Variants in PDE4D observed in about 807,000 individuals in gnomAD.
PDE4D encodes phosphodiesterase 4D.
A neutral mutation model predicts 87.4 loss-of-function variants in PDE4D; 24 were observed. That is an observed-to-expected ratio of 0.27 (90% CI 0.20 to 0.39). The LOEUF is 0.39. PDE4D is among the 10% of genes least tolerant of loss of function. The pLI, the probability that PDE4D is intolerant of heterozygous loss-of-function variation, is 1.00. For synonymous variants in PDE4D, 384 were observed against 383.2 expected, an observed-to-expected ratio of 1.00 and a Z score of -0.02; for missense variants, 714 against 1,041.0, an observed-to-expected ratio of 0.69 and a Z score of 4.32.
chr5:59,312,200 G>T (rs1287579011), intron 1 of PDE4D, among the ~76,000 whole-genome samples: 1 of 152,170 alleles, frequency 6.6e-6, no homozygotes, highest in Non-Finnish European at 1.5e-5. Context: ...ACCTAAAAAA[G>T]TTCTCAGATG....
At chr5:59,320,018 G>A (rs191605568) in intron 1 of PDE4D, among the ~76,000 whole-genome samples, 176 of 151,954 alleles carry the variant, frequency 1.2e-3, no homozygotes, top group East Asian at 7.8e-4. Flanking sequence ...GGTCAGTGGA[G>A]AAGACACCCA....
At position 59,957,655 on chromosome 5, in the gene PDE4D, A is replaced by G. The variant is rs553173304; in HGVS notation, c.272+30833T>C. On this transcript the variant is annotated intron_variant, in intron 3 of 16. Coordinates refer to the PDE4D transcript ENST00000502484. Reference sequence around the variant, plus strand: ...TTAAGGAAAGTCATATTTTAATTGCATATTTATTTCTAATAAATTAGAAAG... The same window carrying G: ...TTAAGGAAAGTCATATTTTAATTGCGTATTTATTTCTAATAAATTAGAAAG... 4.6e-5 allele frequency among the ~76,000 whole-genome samples: 7 copies of G among 152,224 alleles called. No homozygotes were observed. In the East Asian group the frequency reaches 1.3e-3, roughly 29 times the overall value.
At chr5:58,976,888 T>G (rs1025449787) in intron 12 of PDE4D, among the ~76,000 whole-genome samples, 3 of 152,154 alleles carry the variant, frequency 2.0e-5, no homozygotes, top group Non-Finnish European at 2.9e-5. Context: ...AAAAATCCAT[T>G]TGAGCTGTGG....
intron 1 of PDE4D, among the ~76,000 whole-genome samples, chr5:60,411,357 C>T (rs6887925): frequency 0.26 from 39,176 of 152,018 alleles, 7,082 homozygotes; most frequent in African/African-American, 0.52. Context: ...ATAAAGCAAA[C>T]TTATGTAAGG....
intron 1 of PDE4D, among the ~76,000 whole-genome samples, chr5:59,382,362 A>C (rs986751081): frequency 1.3e-5 from 2 of 152,208 alleles, no homozygotes; most frequent in African/African-American, 4.8e-5. Flanking sequence ...ATTCAGAAAA[A>C]AGTGATACCA....
At chr5:59,660,558 G>C (rs1049450192) in intron 1 of PDE4D, among the ~76,000 whole-genome samples, 3 of 152,062 alleles carry the variant, frequency 2.0e-5, no homozygotes, top group African/African-American at 7.2e-5. Context: ...AACTGAATGT[G>C]GTTGTGCTTT....
intron 1 of PDE4D, among the ~76,000 whole-genome samples, chr5:60,209,917 CTAAG>C (rs1242907149): frequency 6.6e-6 from 1 of 152,094 alleles, no homozygotes; most frequent in Non-Finnish European, 1.5e-5. Context: ...AGAAACCTTG[CTAAG>C]TAAGTAAATT....
In PDE4D at chr5:59,035,280, T is replaced by A. The variant is rs190142330; in HGVS notation, c.921+3579A>T. ...GAAAAGTACTTAGTTAGCTCTTCTG[T>A]CTGGCATTCTGTAACTGGAATTTAA... On this transcript the variant is annotated intron_variant, in intron 6 of 14. Transcript: ENST00000340635. Among the ~76,000 whole-genome samples the A allele has an allele frequency of 1.1e-3, 162 of 152,376 alleles. 1 individual carries two copies. The highest frequency in any genetic ancestry group is 6.6e-3 in the Admixed American group (101 of 15,308).
intron 6 of PDE4D, among the ~76,000 whole-genome samples, chr5:59,026,936 T>C (rs1440830172): frequency 6.6e-6 from 1 of 152,212 alleles, no homozygotes; most frequent in African/African-American, 2.4e-5. Context: ...ATTGAACCAA[T>C]ACTGATACAT....
At chr5:59,096,336 A>T (rs2153431181) in intron 5 of PDE4D, among the ~76,000 whole-genome samples, 1 of 152,304 alleles carries the variant, frequency 6.6e-6, no homozygotes, top group South Asian at 2.1e-4. Context: ...TCAATGTGTC[A>T]TGGAGCCCAG....
At chr5:59,640,513 A>G (rs2150190224) in intron 1 of PDE4D, among the ~76,000 whole-genome samples, 1 of 152,316 alleles carries the variant, frequency 6.6e-6, no homozygotes, top group African/African-American at 2.4e-5. Context: ...GGAAATTTAT[A>G]CAAGTGCCTT....
chr5:60,481,710 A>G (rs1483221681), intron 1 of PDE4D, among the ~76,000 whole-genome samples: 1 of 152,182 alleles, frequency 6.6e-6, no homozygotes, highest in African/African-American at 2.4e-5. Flanking sequence ...CCTGACATAG[A>G]AGAGGATGGG....
At chr5:60,400,440 T>C (rs1039659085) in intron 1 of PDE4D, among the ~76,000 whole-genome samples, 1 of 136,436 alleles carries the variant, frequency 7.3e-6, no homozygotes, top group African/African-American at 2.8e-5. Flanking sequence ...GAGAATGGCG[T>C]GAACCCGGAA....
chr5:60,177,872 C>T (rs1194984722), intron 2 of PDE4D, among the ~76,000 whole-genome samples: 2 of 152,026 alleles, frequency 1.3e-5, no homozygotes, highest in Non-Finnish European at 2.9e-5. Context: ...TAATGAATGA[C>T]GTGTATTACT....
At chr5:59,805,162 T>G (rs1767600088) in intron 1 of PDE4D, among the ~76,000 whole-genome samples, 1 of 152,212 alleles carries the variant, frequency 6.6e-6, no homozygotes, top group Admixed American at 6.5e-5. Flanking sequence ...TGACCCTGTG[T>G]GTATTCCACT....
intron 1 of PDE4D, among the ~76,000 whole-genome samples, chr5:60,520,837 G>T (rs1417558252): frequency 6.6e-6 from 1 of 152,126 alleles, no homozygotes; most frequent in African/African-American, 2.4e-5. Flanking sequence ...AAAATCAAAG[G>T]CTTCCTCCCA....
intron 1 of PDE4D, among the ~76,000 whole-genome samples, chr5:59,492,291 A>G (rs538917518): frequency 9.4e-4 from 143 of 152,348 alleles, no homozygotes; most frequent in African/African-American, 3.3e-3. Context: ...TAGAACATTC[A>G]CTAGAGAATT....
At chr5:59,477,547 C>T (rs917119183) in intron 1 of PDE4D, among the ~76,000 whole-genome samples, 1 of 151,856 alleles carries the variant, frequency 6.6e-6, no homozygotes, top group Non-Finnish European at 1.5e-5. Flanking sequence ...AGTTAAAAAA[C>T]AACAGATACT....
intron 1 of PDE4D, among the ~76,000 whole-genome samples, chr5:60,237,706 G>A (rs545668604): frequency 1.3e-5 from 2 of 151,862 alleles, no homozygotes; most frequent in African/African-American, 2.4e-5. Context: ...GATTGAAGTG[G>A]TGATTACACA....
Sources: gnomAD v4.1 joint callset for allele counts (sites outside exome capture counted in the v4.1 genomes callset) on GRCh38, gnomAD v4.1.1 for gene constraint, MANE v1.5 for transcripts, NCBI Gene and HGNC (gene_info 2026-07-23, HGNC 2026-07-21) for gene names.